DRC1: variants seen among roughly 807,000 people sequenced by gnomAD.
DRC1 encodes the protein dynein regulatory complex protein 1.
A neutral mutation model predicts 98.7 loss-of-function variants in DRC1; 74 were observed. That is an observed-to-expected ratio of 0.75 (90% CI 0.62 to 0.91). DRC1 has a LOEUF of 0.91. Ranked by LOEUF, DRC1 falls within the 40% of genes least tolerant of loss-of-function variation. DRC1 has a pLI of 0.00. For synonymous variants in DRC1, 336 were observed against 334.1 expected (o/e 1.01, Z -0.06); for missense variants, 875 against 886.0 (o/e 0.99, Z 0.16).
chr2:26,410,565 C>T (rs145180699), intron 1 of DRC1, among the ~76,000 whole-genome samples: 2 of 152,112 alleles, frequency 1.3e-5, no homozygotes, highest in Non-Finnish European at 2.9e-5. Flanking sequence ...AGCCACTGCA[C>T]CCAGCCAGAG....
At chr2:26,413,207 A>G (rs1267564799) in intron 1 of DRC1, among the ~76,000 whole-genome samples, 1 of 152,238 alleles carries the variant, frequency 6.6e-6, no homozygotes, top group Non-Finnish European at 1.5e-5. Context: ...TTTGTAGGCT[A>G]CAAAGTATTT....
At chr2:26,418,736 T>G (rs1207850460) in intron 2 of DRC1, among the ~76,000 whole-genome samples, 369 of 118,818 alleles carry the variant, frequency 3.1e-3, no homozygotes, top group Non-Finnish European at 5.1e-3. Context: ...TATATTTAAT[T>G]TATATATAAT....
intron 11 of DRC1, 101 bp from the exon 12 acceptor site, chr2:26,449,895 T>G: frequency 3.8e-6 from 4 of 1,053,146 alleles, no homozygotes; most frequent in Non-Finnish European, 4.2e-6. Flanking sequence ...GTCTGCTCCG[T>G]GGCATGGTCC....
At position 26,454,133 on chromosome 2, in the gene DRC1, C is replaced by T. The variant is rs530701524; in HGVS notation, c.1920-514C>T. ...TGTGCCCAAGATCTTTGTCTTTACC[C>T]GTTGGTGGGTGGGAGCCAGAAAAGG... On this transcript the variant is annotated intron_variant, in intron 14 of 16. Transcript: ENST00000288710. The surrounding 1 kb of genome is among the most constrained non-coding windows in gnomAD (Gnocchi z 5.2). 7.2e-5 allele frequency among the ~76,000 whole-genome samples: 11 copies of T among 152,224 alleles called. No individual in the cohort carries two copies. Among genetic ancestry groups the T allele is most frequent in the East Asian group, 1.9e-4 (1 of 5,176 alleles).
intron 7 of DRC1, 84 bp downstream of exon 7, chr2:26,432,090 C>A: frequency 6.6e-7 from 1 of 1,519,090 alleles, no homozygotes; most frequent in South Asian, 1.3e-5. Context: ...TAGCAACTAC[C>A]TGTGATATTC....
intron 3 of DRC1, among the ~76,000 whole-genome samples, chr2:26,422,929 A>G (rs1333424605): frequency 6.6e-6 from 1 of 152,084 alleles, no homozygotes; most frequent in Non-Finnish European, 1.5e-5. Flanking sequence ...TTTAAAAAAA[A>G]AAAAAAAAAA....
chr2:26,436,822 T>A (rs952169962), intron 7 of DRC1, among the ~76,000 whole-genome samples: 14 of 152,164 alleles, frequency 9.2e-5, no homozygotes, highest in Non-Finnish European at 1.5e-4. Flanking sequence ...TTCCTGGAAA[T>A]CATCGGAGTA....
rs1471438335 is a variant in DRC1, at chr2:26,448,576, G to T, written c.1397-115G>T. ...GAGACTGAGAGAATGCCTCACAGAG[G>T]CTTTTTAAGAGGTACATTTTCTCAA... On this transcript the variant is annotated intron_variant, in intron 10 of 16. Transcript: ENST00000288710. 2.2e-5 allele frequency: 24 copies of T among 1,073,936 alleles called. No homozygotes were observed. In the South Asian group the frequency reaches 3.3e-4, roughly 15 times the overall value. The allele number at this position is 1,073,936 out of a possible 1,614,324, so 66.5% of individuals were successfully genotyped here.
At chr2:26,432,532 AAAAG>A (rs993099773) in intron 7 of DRC1, among the ~76,000 whole-genome samples, 6 of 151,660 alleles carry the variant, frequency 4.0e-5, no homozygotes, top group African/African-American at 1.2e-4. Flanking sequence ...GTAAGAGAGA[AAAAG>A]AAAGAAAGAA....
At chr2:26,412,406 C>T (rs1372067963) in intron 1 of DRC1, among the ~76,000 whole-genome samples, 5 of 152,072 alleles carry the variant, frequency 3.3e-5, no homozygotes, top group African/African-American at 9.7e-5. Context: ...AACAAACCTG[C>T]TGTGTCATGT....
intron 2 of DRC1, among the ~76,000 whole-genome samples, chr2:26,415,090 C>T (rs1678752275): frequency 2.0e-5 from 3 of 152,152 alleles, no homozygotes; most frequent in Admixed American, 1.3e-4. Context: ...ACTGTATGTA[C>T]TGTGAGAATG....
At chr2:26,432,732 C>T (rs1341822205) in intron 7 of DRC1, among the ~76,000 whole-genome samples, 2 of 152,194 alleles carry the variant, frequency 1.3e-5, no homozygotes, top group Non-Finnish European at 2.9e-5. Context: ...AAAGCTAGGA[C>T]AGCTACTGGT....
At chr2:26,443,318 A>G (rs182872362) in intron 8 of DRC1, among the ~76,000 whole-genome samples, 16 of 152,268 alleles carry the variant, frequency 1.1e-4, no homozygotes, top group Admixed American at 7.9e-4. Flanking sequence ...GGGTCTAAAC[A>G]TTGCGCCTGC....
At chr2:26,427,337 A>C (rs150632983) in intron 4 of DRC1, among the ~76,000 whole-genome samples, 11 of 152,186 alleles carry the variant, frequency 7.2e-5, no homozygotes, top group Non-Finnish European at 1.5e-4. Flanking sequence ...TCTGGTCTCA[A>C]ACTCCTGACC....
chr2:26,407,317 G>A (rs541187360), intron 1 of DRC1, among the ~76,000 whole-genome samples: 3 of 152,282 alleles, frequency 2.0e-5, no homozygotes, highest in South Asian at 4.2e-4. Flanking sequence ...GTAAATGGGT[G>A]AGCAGATTCA....
intron 1 of DRC1, 96 bp from the exon 2 acceptor site, chr2:26,414,248 A>G: frequency 7.9e-7 from 1 of 1,266,626 alleles, no homozygotes; most frequent in Non-Finnish European, 1.1e-6. Context: ...AACTGTTGGG[A>G]TTACAGGCAT....
intron 2 of DRC1, among the ~76,000 whole-genome samples, chr2:26,418,574 TTATA>T (rs1248755589): frequency 0.01 from 1,064 of 105,036 alleles, 23 homozygotes; most frequent in African/African-American, 0.038. Flanking sequence ...ATAATATATA[TTATA>T]TATAAATTAT....
chr2:26,414,225 T>C (rs904691966), intron 1 of DRC1, 119 bp from the exon 2 acceptor site: 1 of 911,888 alleles, frequency 1.1e-6, no homozygotes. Flanking sequence ...AATCCTCCTG[T>C]CTTGGTCTCC....
chr2:26,436,188 G>A lies in DRC1; in HGVS notation c.888+4182G>A, dbSNP rs1236729944. The stretch of plus-strand genomic sequence containing the variant: ...GACTGGTGTGAGATGGTATCTCATC[G>A]TGGTTTTGATTAGCATTTCTCTAAT... On this transcript the variant is annotated intron_variant, in intron 7 of 16. Coordinates refer to ENST00000288710, the MANE Select transcript of DRC1 (RefSeq NM_145038.5). Among the ~76,000 whole-genome samples the A allele has an allele frequency of 5.3e-5, 8 of 151,266 alleles. No homozygotes were observed. In the South Asian group the frequency reaches 6.2e-4, roughly 12 times the overall value.
Sources: gnomAD v4.1 joint callset for allele counts (sites outside exome capture counted in the v4.1 genomes callset) on GRCh38, gnomAD v4.1.1 for gene constraint, Gnocchi (gnomAD v3.1) non-coding constraint, MANE v1.5 for transcripts, NCBI Gene and HGNC (gene_info 2026-07-23, HGNC 2026-07-21) for gene names.